Variants in ULK4 observed in about 807,000 individuals in gnomAD.
ULK4 encodes the protein inactive serine/threonine-protein kinase ULK4.
Under a neutral mutation model 160.6 loss-of-function variants are expected in ULK4, and 133 were observed. The observed-to-expected ratio is 0.83, with a 90% confidence interval of 0.72 to 0.96. The LOEUF is 0.96. Among genes scored for constraint, ULK4 ranks in the 40% least tolerant of loss-of-function variants. The pLI, the probability that ULK4 is intolerant of heterozygous loss-of-function variation, is 0.00. For synonymous variants in ULK4, 534 were observed against 539.8 expected (o/e 0.99, Z 0.15); for missense variants, 1,580 against 1,499.5 (o/e 1.05, Z -0.89).
At chr3:41,816,747 G>A (rs1309816108) in intron 19 of ULK4, among the ~76,000 whole-genome samples, 1 of 152,176 alleles carries the variant, frequency 6.6e-6, no homozygotes, top group Non-Finnish European at 1.5e-5. Flanking sequence ...AGAGGCGGAG[G>A]TTGCAGGGAG....
At chr3:41,709,778 GAAT>G (rs1425955937) in intron 25 of ULK4, among the ~76,000 whole-genome samples, 2 of 151,958 alleles carry the variant, frequency 1.3e-5, no homozygotes, top group Non-Finnish European at 2.9e-5. Flanking sequence ...AACTTTTATC[GAAT>G]AAAATATAAA....
chr3:41,848,740 G>A lies in ULK4; in HGVS notation c.1657-12769C>T, dbSNP rs142209005. 3.1e-3 allele frequency among the ~76,000 whole-genome samples: 476 copies of A among 152,286 alleles called. 4 individuals are homozygous for A. Among genetic ancestry groups the A allele is most frequent in the Non-Finnish European group, 3.9e-3 (262 of 68,020 alleles). ...TCCAGAAACCCTCAGGAGCTGCCAG[G>A]TCCAGCTGCCAGGAATAGCAGACTA... On this transcript the variant is annotated intron_variant, in intron 17 of 36. Coordinates refer to ENST00000301831, the MANE Select transcript of ULK4 (RefSeq NM_017886.4).
intron 18 of ULK4, among the ~76,000 whole-genome samples, chr3:41,826,192 C>T (rs1296698368): frequency 6.6e-6 from 1 of 152,170 alleles, no homozygotes; most frequent in Non-Finnish European, 1.5e-5. Context: ...CAGTACCAGC[C>T]ACTGCAAAAA....
intron 30 of ULK4, among the ~76,000 whole-genome samples, chr3:41,642,451 G>C (rs774887279): frequency 3.3e-5 from 5 of 151,590 alleles, no homozygotes; most frequent in Middle Eastern, 3.4e-3. Context: ...TTGGTTTTTT[G>C]TCCTTGCCAT....
At chr3:41,500,731 T>C (rs186799562) in intron 32 of ULK4, among the ~76,000 whole-genome samples, 5 of 152,102 alleles carry the variant, frequency 3.3e-5, no homozygotes, top group African/African-American at 7.2e-5. Flanking sequence ...GAGATTACAG[T>C]TGAACCCTGC....
At chr3:41,302,114 A>G (rs1019228692) in intron 35 of ULK4, among the ~76,000 whole-genome samples, 2 of 152,232 alleles carry the variant, frequency 1.3e-5, no homozygotes, top group African/African-American at 4.8e-5. Context: ...AAAGAATTGA[A>G]CAGATGTATT....
intron 35 of ULK4, among the ~76,000 whole-genome samples, chr3:41,317,242 A>AT (rs1439086677): frequency 4.0e-5 from 6 of 151,464 alleles, no homozygotes; most frequent in Non-Finnish European, 7.4e-5. Flanking sequence ...CGCCCGGCTA[A>AT]TTTTTTGTAT....
rs552294620 is a variant in ULK4 at position 41,650,520 on chromosome 3, G to A, written c.3071+13087C>T. 7.2e-5 allele frequency among the ~76,000 whole-genome samples: 11 copies of A among 152,290 alleles called. No individual in the cohort carries two copies. In the South Asian group the frequency reaches 1.0e-3, roughly 14 times the overall value. ...GTATGCCTCATCCAGCCACAGCCTC[G>A]CACAGCGCTGGCACTTGGAGCTGCC... On this transcript the variant is annotated intron_variant, in intron 30 of 36. Transcript: ENST00000301831.
intron 34 of ULK4, among the ~76,000 whole-genome samples, chr3:41,410,637 TTAA>T (rs35564505): frequency 0.094 from 13,037 of 139,356 alleles, 1,056 homozygotes; most frequent in East Asian, 0.37. Context: ...TTTTGAGAGG[TTAA>T]TTTTATGGTA....
At chr3:41,784,928 G>A (rs2039957482) in intron 21 of ULK4, among the ~76,000 whole-genome samples, 1 of 152,122 alleles carries the variant, frequency 6.6e-6, no homozygotes, top group Non-Finnish European at 1.5e-5. Flanking sequence ...AAAACATGAA[G>A]TATACTGATA....
chr3:41,302,842 C>T (rs1054853115), intron 35 of ULK4, among the ~76,000 whole-genome samples: 2 of 152,088 alleles, frequency 1.3e-5, no homozygotes, highest in Non-Finnish European at 2.9e-5. Context: ...CTATCGTTGG[C>T]TCTATATATG....
intron 32 of ULK4, among the ~76,000 whole-genome samples, chr3:41,470,041 A>C (rs941823859): frequency 1.1e-4 from 17 of 148,244 alleles, no homozygotes; most frequent in South Asian, 2.1e-4. Context: ...AAAAAAAAAA[A>C]AAAAACAAAG....
chr3:41,764,970 T>C (rs1304251986), intron 21 of ULK4, among the ~76,000 whole-genome samples: 1 of 152,202 alleles, frequency 6.6e-6, no homozygotes, highest in Non-Finnish European at 1.5e-5. Flanking sequence ...GACTGTCAAC[T>C]AGTTCAACCA....
intron 5 of ULK4, among the ~76,000 whole-genome samples, chr3:41,930,083 A>C (rs1202024558): frequency 6.6e-6 from 1 of 152,164 alleles, no homozygotes; most frequent in African/African-American, 2.4e-5. Flanking sequence ...CCTAACCTCA[A>C]ACTATACTAC....
intron 35 of ULK4, among the ~76,000 whole-genome samples, chr3:41,370,937 T>A (rs1023093592): frequency 3.3e-5 from 5 of 152,188 alleles, no homozygotes; most frequent in Non-Finnish European, 7.3e-5. Flanking sequence ...AAGCTGATCC[T>A]GGATGCTCGA....
chr3:41,804,099 C>G (rs1247272610), intron 19 of ULK4, among the ~76,000 whole-genome samples: 1 of 151,838 alleles, frequency 6.6e-6, no homozygotes, highest in Non-Finnish European at 1.5e-5. Context: ...TACAGTCCCA[C>G]CAACACTGTA....
At chr3:41,272,348 T>G (rs1044080626) in intron 35 of ULK4, among the ~76,000 whole-genome samples, 10 of 87,706 alleles carry the variant, frequency 1.1e-4, no homozygotes, top group Non-Finnish European at 1.6e-4. Flanking sequence ...TGAAAGTTTT[T>G]TTTTTTTTTT....
chr3:41,617,661 A>G (rs1420543522), intron 30 of ULK4, among the ~76,000 whole-genome samples: 2 of 152,234 alleles, frequency 1.3e-5, no homozygotes, highest in African/African-American at 4.8e-5. Context: ...CATGAAGATG[A>G]GGGAAAGTCA....
At chr3:41,719,317 T>G (rs2037373944) in intron 22 of ULK4, among the ~76,000 whole-genome samples, 1 of 152,172 alleles carries the variant, frequency 6.6e-6, no homozygotes, top group Non-Finnish European at 1.5e-5. Context: ...ATGATTTAAA[T>G]TACCACTTAT....
Sources: allele counts gnomAD v4.1 joint callset (sites outside exome capture counted in the v4.1 genomes callset), GRCh38; gene constraint gnomAD v4.1.1; transcripts MANE v1.5; gene names NCBI Gene and HGNC (gene_info 2026-07-23, HGNC 2026-07-21).